The following ZFPM2 variants were observed in gnomAD, a reference collection of about 807,000 sequenced individuals.
The protein encoded by ZFPM2 is zinc finger protein ZFPM2.
Under a neutral mutation model 98.6 loss-of-function variants are expected in ZFPM2, and 20 were observed. The observed-to-expected ratio is 0.20, with a 90% confidence interval of 0.14 to 0.29. The LOEUF (loss-of-function observed/expected upper bound fraction) is 0.29. Among genes scored for constraint, ZFPM2 ranks in the 10% least tolerant of loss-of-function variants. The pLI is 1.00. For missense variants in ZFPM2, 1,310 were observed against 1,388.6 expected, an observed-to-expected ratio of 0.94 and a Z score of 0.90; for synonymous variants, 518 against 502.7, an observed-to-expected ratio of 1.03 and a Z score of -0.41.
chr8:105,387,418 C>G (rs1401027603), intron 1 of ZFPM2: 2 of 154,930 alleles, frequency 1.3e-5, no homozygotes, highest in African/African-American at 4.8e-5. Flanking sequence ...TGCGCAGGAG[C>G]CCACAGCGTG....
chr8:105,404,006 A>ACAG (rs775352410), intron 1 of ZFPM2, among the ~76,000 whole-genome samples: 1 of 150,554 alleles, frequency 6.6e-6, no homozygotes, highest in African/African-American at 2.5e-5. Flanking sequence ...AACAACAACA[A>ACAG]CAACAACAAC....
chr8:105,590,141 G>A (rs966217776), intron 4 of ZFPM2, among the ~76,000 whole-genome samples: 1 of 152,134 alleles, frequency 6.6e-6, no homozygotes, highest in Non-Finnish European at 1.5e-5. Flanking sequence ...GGGTTTTCTA[G>A]GCTGAAACTC....
chr8:105,572,698 G>A (rs1390961568), intron 4 of ZFPM2, among the ~76,000 whole-genome samples: 5 of 151,548 alleles, frequency 3.3e-5, no homozygotes, highest in South Asian at 2.1e-4. Flanking sequence ...AAGAACTCCC[G>A]ACCTCAGGTG....
At chr8:105,409,938 T>C (rs1811543013) in intron 1 of ZFPM2, among the ~76,000 whole-genome samples, 1 of 151,890 alleles carries the variant, frequency 6.6e-6, no homozygotes. Context: ...AAACTGCTTG[T>C]AATCAGCCAA....
intron 5 of ZFPM2, among the ~76,000 whole-genome samples, chr8:105,706,628 G>A (rs190057661): frequency 3.9e-5 from 6 of 152,150 alleles, no homozygotes; most frequent in Non-Finnish European, 7.4e-5. Context: ...CACTCAGGCT[G>A]GAGTACAGTG....
chr8:105,592,581 T>C (rs569931754), intron 4 of ZFPM2, among the ~76,000 whole-genome samples: 1 of 152,258 alleles, frequency 6.6e-6, no homozygotes, highest in South Asian at 2.1e-4. Context: ...CATTTTCTTT[T>C]TTAGACACAC....
chr8:105,476,743 G>GT (rs559258838), intron 3 of ZFPM2, among the ~76,000 whole-genome samples: 6 of 148,692 alleles, frequency 4.0e-5, no homozygotes, highest in South Asian at 2.1e-4. Context: ...TTAACCTATT[G>GT]TTTTTTTTGC....
At position 105,802,131 on chromosome 8, in the gene ZFPM2, C is replaced by T. The variant is rs758640688; in HGVS notation, c.2049C>T (p.Asp683=). ...PSVPLVDGES[D]PNKTTCEACN... ...TCCCCTTAGTGGATGGGGAAAGTGA[C>T]CCAAATAAGACTACCTGTGAAGCTT... is the stretch of plus-strand genomic sequence containing the variant. The change falls in exon 8 of 8, where the codon GAC becomes GAT. Residue 683 remains aspartate, a synonymous_variant. Transcript: ENST00000407775. 1.8e-5 allele frequency: 29 copies of T among 1,613,726 alleles called. 1 individual carries two copies. In the South Asian group the frequency reaches 2.9e-4, roughly 16 times the overall value.
At chr8:105,673,187 CTTTTTTTTTTTTTT>C (rs5893754) in intron 5 of ZFPM2, among the ~76,000 whole-genome samples, 1 of 87,526 alleles carries the variant, frequency 1.1e-5, no homozygotes, top group African/African-American at 4.9e-5. Context: ...AAATAGCATG[CTTTTTTTTTTTTTT>C]TTTTTTACCG....
chr8:105,410,529 A>G (rs543898906), intron 1 of ZFPM2, among the ~76,000 whole-genome samples: 1 of 152,006 alleles, frequency 6.6e-6, no homozygotes, highest in South Asian at 2.1e-4. Context: ...ACATCCTTTT[A>G]TACCTATATT....
intron 5 of ZFPM2, among the ~76,000 whole-genome samples, chr8:105,765,866 C>T (rs192818779): frequency 6.6e-6 from 1 of 151,974 alleles, no homozygotes; most frequent in East Asian, 1.9e-4. Flanking sequence ...AAATTTTTGG[C>T]AAATATTTTT....
intron 3 of ZFPM2, among the ~76,000 whole-genome samples, chr8:105,548,555 A>T (rs538334288): frequency 2.0e-5 from 3 of 152,258 alleles, no homozygotes; most frequent in African/African-American, 7.2e-5. Flanking sequence ...CTCATTCATT[A>T]AACCTCTGCC....
intron 1 of ZFPM2, among the ~76,000 whole-genome samples, chr8:105,403,410 A>G (rs1811378205): frequency 6.6e-6 from 1 of 151,950 alleles, no homozygotes; most frequent in Non-Finnish European, 1.5e-5. Flanking sequence ...TCACTAATTC[A>G]ATTTTTCTGC....
In ZFPM2 at chr8:105,802,810, G is replaced by A. The variant is rs201981625; in HGVS notation, c.2728G>A (p.Glu910Lys). The change falls in exon 8 of 8, where the codon GAA becomes AAA. Residue 910 changes from glutamate to lysine, a missense_variant. By Grantham distance (56) the Glu-to-Lys change is moderately conservative. Transcript: ENST00000407775. ...ACGAAACAGCCCTGATGTCAGCTAC[G>A]AAAGAAGCATAATAAAATGTGAGAA... ...SERNSPDVSY[E>K]RSIIKCEKNG... 4.5e-5 allele frequency: 73 copies of A among 1,613,446 alleles called. No individual in the cohort carries two copies. Among genetic ancestry groups the A allele is most frequent in the Middle Eastern group, 1.6e-4 (1 of 6,084 alleles).
intron 6 of ZFPM2, among the ~76,000 whole-genome samples, chr8:105,790,274 G>A (rs1813563713): frequency 6.6e-6 from 1 of 150,752 alleles, no homozygotes; most frequent in African/African-American, 2.4e-5. Flanking sequence ...AAGGTGTAAG[G>A]AAGGGATCCA....
At chr8:105,773,162 A>G (rs1813020210) in intron 5 of ZFPM2, among the ~76,000 whole-genome samples, 1 of 152,052 alleles carries the variant, frequency 6.6e-6, no homozygotes, top group Non-Finnish European at 1.5e-5. Context: ...TTTCAAAACT[A>G]TTTTCTTACC....
chr8:105,652,633 A>G (rs1485321038), intron 5 of ZFPM2, among the ~76,000 whole-genome samples: 3 of 152,128 alleles, frequency 2.0e-5, no homozygotes, highest in African/African-American at 7.2e-5. Flanking sequence ...GATTTTCAAG[A>G]ATGATTATTC....
chr8:105,508,810 TC>T (rs397802536), intron 3 of ZFPM2, among the ~76,000 whole-genome samples: 27 of 150,430 alleles, frequency 1.8e-4, no homozygotes, highest in Non-Finnish European at 7.4e-5. Context: ...TTTTTTTTTT[TC>T]CCCCTCGCAT....
intron 5 of ZFPM2, among the ~76,000 whole-genome samples, chr8:105,655,316 C>T (rs942553952): frequency 1.6e-4 from 24 of 145,544 alleles, no homozygotes; most frequent in African/African-American, 5.8e-4. Context: ...ACTGCAACCT[C>T]TGCCTCCTGG....
Sources: allele counts gnomAD v4.1 joint callset (sites outside exome capture counted in the v4.1 genomes callset), GRCh38; gene constraint gnomAD v4.1.1; transcripts MANE v1.5; gene names NCBI Gene and HGNC (gene_info 2026-07-23, HGNC 2026-07-21).